ARHGEF10: variants seen among roughly 807,000 people sequenced by gnomAD.
ARHGEF10 encodes the protein Rho guanine nucleotide exchange factor 10.
ARHGEF10 carries 140 observed loss-of-function variants against 147.4 expected under a neutral mutation model. The ratio of observed to expected loss-of-function variants is 0.95; its 90% confidence interval spans 0.83 to 1.09. The LOEUF (loss-of-function observed/expected upper bound fraction) is 1.09. ARHGEF10 is among the 50% of genes least tolerant of loss of function. The pLI, the probability that ARHGEF10 is intolerant of heterozygous loss-of-function variation, is 0.00. For missense variants in ARHGEF10, 2,222 were observed against 1,752.7 expected (o/e 1.27, Z -4.78); for synonymous variants, 902 against 695.8 (o/e 1.30, Z -4.67).
chr8:1,843,929 T>A (rs1259476343), intron 2 of ARHGEF10, among the ~76,000 whole-genome samples: 1 of 152,210 alleles, frequency 6.6e-6, no homozygotes, highest in South Asian at 2.1e-4. Context: ...ATGAAAGATT[T>A]ATCTTCATTG....
At chr8:1,887,818 G>T (rs1173958669) in intron 11 of ARHGEF10, among the ~76,000 whole-genome samples, 1 of 146,512 alleles carries the variant, frequency 6.8e-6, no homozygotes, top group African/African-American at 2.5e-5. Flanking sequence ...GAGATGCTGA[G>T]GAGAGGTGAA....
chr8:1,879,987 A>G (rs532227514), intron 8 of ARHGEF10, 61 bp from the exon 9 acceptor site: 2 of 1,192,682 alleles, frequency 1.7e-6, no homozygotes, highest in South Asian at 2.4e-5. Context: ...TCAATGTAAA[A>G]TTGTCCCAAA....
intron 1 of ARHGEF10, among the ~76,000 whole-genome samples, chr8:1,830,237 G>GCAGGCGGCTCATTTACCGTGGGGCT (rs1803009788): frequency 1.5e-5 from 1 of 67,692 alleles, no homozygotes; most frequent in Non-Finnish European, 3.2e-5. Flanking sequence ...GGCATGCGTG[G>GCAGGCGGCTCATTTACCGTGGGGCT]CAGGCGGCTC....
At chr8:1,923,737 T>G in intron 20 of ARHGEF10, 37 bp from the exon 21 acceptor site, 1 of 1,613,952 alleles carries the variant, frequency 6.2e-7, no homozygotes, top group East Asian at 2.2e-5. Context: ...ATGGAGCACG[T>G]TTTATAAAAT....
At chr8:1,832,354 ACAGG>A (rs1803172373) in intron 1 of ARHGEF10, among the ~76,000 whole-genome samples, 5 of 137,390 alleles carry the variant, frequency 3.6e-5, no homozygotes, top group South Asian at 4.9e-4. Context: ...AGAGACAGAG[ACAGG>A]CAGAGACAGA....
chr8:1,875,211 T>G (rs1807586653), intron 7 of ARHGEF10, among the ~76,000 whole-genome samples: 1 of 136,318 alleles, frequency 7.3e-6, no homozygotes, highest in East Asian at 2.3e-4. Context: ...GGGATAGAGG[T>G]TCTAAGACAG....
chr8:1,950,590 T>C (rs1236739092), intron 27 of ARHGEF10, among the ~76,000 whole-genome samples: 1 of 152,006 alleles, frequency 6.6e-6, no homozygotes. Context: ...TGGAGTGCAG[T>C]GGTGCGATCT....
At chr8:1,864,106 C>T (rs531622430) in intron 4 of ARHGEF10, among the ~76,000 whole-genome samples, 2 of 152,072 alleles carry the variant, frequency 1.3e-5, no homozygotes, top group African/African-American at 4.8e-5. Flanking sequence ...CCGTTTCTTT[C>T]TAACTCTAGC....
chr8:1,897,782 T>C (rs1021822450), intron 14 of ARHGEF10, among the ~76,000 whole-genome samples: 1 of 152,168 alleles, frequency 6.6e-6, no homozygotes, highest in African/African-American at 2.4e-5. Context: ...GCCGTGGCCG[T>C]GACCGCAGTG....
Position 1,945,584 on chromosome 8 carries a change from T to G in ARHGEF10, c.3326T>G (p.Leu1109Arg). Residue 1109 changes from leucine (L) to arginine (R), a missense_variant, in exon 27 of 29, where the codon CTT becomes CGT. Transcript: ENST00000349830. Reference sequence around the variant, plus strand: ...TTCACCTCAGGGTCCACGCTCCGCCTTTTTCACACGGAAACTCTCAAGCAC... The same window carrying G: ...TTCACCTCAGGGTCCACGCTCCGCCGTTTTCACACGGAAACTCTCAAGCAC... ...IAFTSGSTLRLFHTETLKHLQ... is the reference protein window; with the variant it reads ...IAFTSGSTLRRFHTETLKHLQ... The G allele has an allele frequency of 1.2e-6, 2 of 1,614,176 alleles. No homozygotes were observed. The highest frequency in any genetic ancestry group is 1.7e-6 in the Non-Finnish European group (2 of 1,180,024).
Position 1,913,646 on chromosome 8 carries a change from A to G in ARHGEF10, c.2143+4176A>G, listed in dbSNP as rs551739062. Among the ~76,000 whole-genome samples the G allele has an allele frequency of 1.4e-4, 21 of 152,286 alleles. No homozygotes were observed. The South Asian group carries it at 3.9e-3, about 29-fold the overall frequency. On this transcript the variant is annotated intron_variant, in intron 18 of 28. Coordinates refer to ENST00000349830, the MANE Select transcript of ARHGEF10 (RefSeq NM_014629.4). ...CCGTCCCTGCACTGGCAGCTTGCCTAGAAGGGGCCCTGCAGCTTCCAGAAG... is the reference window on the plus strand; with the variant it reads ...CCGTCCCTGCACTGGCAGCTTGCCTGGAAGGGGCCCTGCAGCTTCCAGAAG...
intron 7 of ARHGEF10, 120 bp downstream of exon 7, chr8:1,869,370 G>T (rs1247235131): frequency 1.2e-5 from 10 of 859,154 alleles, no homozygotes; most frequent in Admixed American, 1.9e-5. Flanking sequence ...TTTGTATGTT[G>T]CTTCTAGAAT....
At position 1,909,345 on chromosome 8, in the gene ARHGEF10, G is replaced by A; in HGVS notation, c.2018G>A (p.Trp673Ter). The A allele has an allele frequency of 6.2e-7, 1 of 1,614,258 alleles. No homozygotes were observed. The highest frequency in any genetic ancestry group is 8.5e-7 in the Non-Finnish European group (1 of 1,180,044). Residue 673 changes from tryptophan to a stop codon, truncating the protein, a stop_gained, in exon 18 of 29, where the codon TGG becomes TAG. Coordinates refer to ENST00000349830, the MANE Select transcript of ARHGEF10 (RefSeq NM_014629.4). LOFTEE classifies it high-confidence loss of function. ...AGCAGCCAGAGGTACTTGCTGAAGT[G>A]GAGCGTTCCACTGGGACATGTGGAC... Reference protein sequence around the residue: ...VMSSQRYLLKWSVPLGHVDAI... With the variant: ...VMSSQRYLLK
Position 1,903,307 on chromosome 8 carries a change from C to G in ARHGEF10, c.1677C>G (p.Gly559=), listed in dbSNP as rs1435793121. ...LQDMLKNTSK[G]HPDRLPLQMA... ...ACATGCTGAAGAACACCTCCAAAGG[C>G]CACCCCGACAGGCTGCCTCTTCAGA... is the stretch of plus-strand genomic sequence containing the variant. The change falls in exon 16 of 29, where the codon GGC becomes GGG. Residue 559 remains glycine (G), a synonymous_variant. Transcript: ENST00000349830. 11 of 1,614,132 alleles carry G rather than the reference C, an allele frequency of 6.8e-6. No individual in the cohort carries two copies. The highest frequency in any genetic ancestry group is 9.3e-6 in the Non-Finnish European group (11 of 1,180,040).
intron 2 of ARHGEF10, among the ~76,000 whole-genome samples, chr8:1,855,636 C>T (rs1412352744): frequency 6.6e-6 from 1 of 151,680 alleles, no homozygotes; most frequent in South Asian, 2.1e-4. Flanking sequence ...GCAATTAGTC[C>T]TCCTTGGCCT....
In ARHGEF10 at chr8:1,841,802, A is replaced by AGGAACTGAGGCCGCGGCG. The variant is rs1804051685; in HGVS notation, c.-47-1544_-47-1543insAGGCCGCGGCGGGAACTG. 9.5e-5 allele frequency among the ~76,000 whole-genome samples: 13 copies of AGGAACTGAGGCCGCGGCG among 136,806 alleles called. 1 individual carries two copies. The highest frequency in any genetic ancestry group is 3.1e-4 in the African/African-American group (11 of 35,494). 89.8% of individuals were successfully genotyped at this position (136,806 alleles called of 152,430 possible). On this transcript the variant is annotated intron_variant, in intron 1 of 28. Coordinates refer to ENST00000349830, the MANE Select transcript of ARHGEF10 (RefSeq NM_014629.4). ...ATGTTGGTGAAATGACCTGAAACCTAGGAACTGGGGCCGCGGCGGGAACTG... is the reference window on the plus strand; with the variant it reads ...ATGTTGGTGAAATGACCTGAAACCTAGGAACTGAGGCCGCGGCGGGAACTGGGGCCGCGGCGGGAACTG...
intron 1 of ARHGEF10, among the ~76,000 whole-genome samples, chr8:1,833,205 G>A (rs62648758): frequency 7.8e-6 from 1 of 128,932 alleles, no homozygotes; most frequent in East Asian, 2.3e-4. Flanking sequence ...CAGAGACAGA[G>A]GCAGAGGCAG....
chr8:1,838,164 C>A (rs1803704491), intron 1 of ARHGEF10, among the ~76,000 whole-genome samples: 1 of 152,194 alleles, frequency 6.6e-6, no homozygotes, highest in Non-Finnish European at 1.5e-5. Context: ...GCCGGGGGTG[C>A]CTGGTGCCTT....
chr8:1,923,217 T>G, intron 19 of ARHGEF10, 138 bp downstream of exon 19: 1 of 868,326 alleles, frequency 1.2e-6, no homozygotes, highest in Non-Finnish European at 1.8e-6. Flanking sequence ...ACATTTTCTC[T>G]TACGTTAGAT....
Sources: gnomAD v4.1 joint callset for allele counts (sites outside exome capture counted in the v4.1 genomes callset) on GRCh38, gnomAD v4.1.1 for gene constraint, MANE v1.5 for transcripts, NCBI Gene and HGNC (gene_info 2026-07-23, HGNC 2026-07-21) for gene names.